The following PRDM2 variants were observed in gnomAD, a reference collection of about 807,000 sequenced individuals.
PRDM2 encodes the protein PR/SET domain 2, also known as PR domain zinc finger protein 2.
Under a neutral mutation model 130.0 loss-of-function variants are expected in PRDM2, and 30 were observed. That is an observed-to-expected ratio of 0.23 (90% CI 0.17 to 0.31). PRDM2 has a LOEUF of 0.31. PRDM2 is among the 10% of genes least tolerant of loss of function. The pLI is 1.00. For missense variants in PRDM2, 2,011 were observed against 2,108.4 expected (o/e 0.95, Z 0.90); for synonymous variants, 871 against 782.4 (o/e 1.11, Z -1.89).
intron 1 of PRDM2, among the ~76,000 whole-genome samples, chr1:13,712,891 A>T (rs1338339072): frequency 6.6e-6 from 1 of 152,206 alleles, no homozygotes; most frequent in Non-Finnish European, 1.5e-5. Context: ...TAGACTGGGC[A>T]TCAGCCTCCG....
In PRDM2 at chr1:13,773,143, A is replaced by G. The variant is rs1644394821; in HGVS notation, c.577A>G (p.Ser193Gly). The change falls in exon 7 of 10, where the codon AGT becomes GGT. Residue 193 changes from serine (S) to glycine (G), a missense_variant. Ser to Gly is a moderately conservative substitution (Grantham distance 56). Coordinates refer to ENST00000311066, the MANE Select transcript of PRDM2 (RefSeq NM_001393986.1). ...NKIQDIQLKTSEPDFTSANMR... is the reference protein window; with the variant it reads ...NKIQDIQLKTGEPDFTSANMR... ...AATCCAAGACATACAACTGAAGACA[A>G]GTGAGCCAGATTTCACCTCTGCAAA... The G allele has an allele frequency of 4.4e-6, 7 of 1,578,344 alleles. No individual in the cohort carries two copies. The highest frequency in any genetic ancestry group is 3.4e-4 in the Middle Eastern group (2 of 5,954).
At chr1:13,756,854 CT>C (rs1643967828) in intron 6 of PRDM2, among the ~76,000 whole-genome samples, 1 of 152,164 alleles carries the variant, frequency 6.6e-6, no homozygotes, top group Admixed American at 6.5e-5. Context: ...CCCAATAATC[CT>C]GCGAAGTTGA....
chr1:13,816,887 C>T lies in PRDM2; in HGVS notation c.*23+317C>T, dbSNP rs371582032. On this transcript the variant is annotated intron_variant, in intron 9 of 9. Coordinates refer to ENST00000311066, the MANE Select transcript of PRDM2 (RefSeq NM_001393986.1). ...CTTTATAGGGTGATTGTGACAATTACGAGTGTCAAATGTGCGAAGCACCTA... is the reference window on the plus strand; with the variant it reads ...CTTTATAGGGTGATTGTGACAATTATGAGTGTCAAATGTGCGAAGCACCTA... 4.6e-5 allele frequency among the ~76,000 whole-genome samples: 7 copies of T among 152,210 alleles called. 1 individual carries two copies. The highest frequency in any genetic ancestry group is 2.1e-4 in the South Asian group (1 of 4,832).
chr1:13,717,562 G>A (rs2100422641), intron 2 of PRDM2: 1 of 463,034 alleles, frequency 2.2e-6, no homozygotes, highest in East Asian at 1.5e-4. Flanking sequence ...TATTAGACTT[G>A]TAATATTTCT....
At chr1:13,743,378 T>A (rs1199232167) in intron 5 of PRDM2, among the ~76,000 whole-genome samples, 1 of 110,420 alleles carries the variant, frequency 9.1e-6, no homozygotes, top group Non-Finnish European at 1.7e-5. Flanking sequence ...CCAGCCTGGG[T>A]AACAGAGCAA....
At position 13,742,223 on chromosome 1, in the gene PRDM2, G is replaced by C. The variant is rs1643466929; in HGVS notation, c.384+66G>C. The C allele has an allele frequency of 2.0e-6, 3 of 1,527,004 alleles. No individual in the cohort carries two copies. The Admixed American group carries it at 5.2e-5, about 26-fold the overall frequency. The allele number at this position is 1,527,004 out of a possible 1,614,324, so 94.6% of individuals were successfully genotyped here. On this transcript the variant is annotated intron_variant, in intron 5 of 9. Coordinates refer to ENST00000311066, the MANE Select transcript of PRDM2 (RefSeq NM_001393986.1). ...TGTGTTTTCCTTTTTCTTTTTTTGA[G>C]ACGGTCTCATTCTGTCTCTCAGGCT...
intron 8 of PRDM2, among the ~76,000 whole-genome samples, chr1:13,804,182 T>A (rs1203672): frequency 6.6e-6 from 1 of 152,020 alleles, no homozygotes; most frequent in Non-Finnish European, 1.5e-5. Context: ...CATGGGCCAG[T>A]GTGTACTAAT....
At chr1:13,772,013 C>G (rs994710515) in intron 6 of PRDM2, 1 of 152,112 alleles carries the variant, frequency 6.6e-6, no homozygotes, top group African/African-American at 2.4e-5. Context: ...TGTAACTTTA[C>G]GTGTATATAG....
At chr1:13,789,525 A>G (rs1277965951) in intron 8 of PRDM2, among the ~76,000 whole-genome samples, 3 of 152,198 alleles carry the variant, frequency 2.0e-5, no homozygotes, top group African/African-American at 4.8e-5. Flanking sequence ...ACAGTTCCCC[A>G]GAGGCTAGGT....
chr1:13,809,372 G>T (rs1645135916), intron 8 of PRDM2, among the ~76,000 whole-genome samples: 1 of 152,208 alleles, frequency 6.6e-6, no homozygotes, highest in African/African-American at 2.4e-5. Context: ...AGTGGTAGAA[G>T]AGGAAGGAAG....
chr1:13,734,788 A>T (rs536267131), intron 4 of PRDM2, among the ~76,000 whole-genome samples: 1 of 152,232 alleles, frequency 6.6e-6, no homozygotes, highest in Non-Finnish European at 1.5e-5. Context: ...CTGACTACAA[A>T]ATATACATCT....
intron 8 of PRDM2, among the ~76,000 whole-genome samples, chr1:13,811,269 A>G (rs1645168329): frequency 1.3e-5 from 2 of 152,076 alleles, no homozygotes; most frequent in South Asian, 4.1e-4. Context: ...TGTTCTCTGG[A>G]TTGTGAAGGT....
At chr1:13,758,288 A>G (rs1644009303) in intron 6 of PRDM2, among the ~76,000 whole-genome samples, 1 of 151,986 alleles carries the variant, frequency 6.6e-6, no homozygotes, top group Non-Finnish European at 1.5e-5. Flanking sequence ...TACTAAAAAT[A>G]CAAAAATTAG....
At position 13,794,341 on chromosome 1, in the gene PRDM2, T is replaced by C. The variant is rs894085838; in HGVS notation, c.5036+11510T>C. On this transcript the variant is annotated intron_variant, in intron 8 of 9. Transcript: ENST00000311066. ...CTTAAGCCTTCTGTACATTCTGTTATGGACTCATTATGTTTGTTTACTCTA... is the reference window on the plus strand; with the variant it reads ...CTTAAGCCTTCTGTACATTCTGTTACGGACTCATTATGTTTGTTTACTCTA... Among the ~76,000 whole-genome samples the C allele has an allele frequency of 2.6e-4, 40 of 152,204 alleles. 1 individual carries two copies. Among genetic ancestry groups the C allele is most frequent in the Non-Finnish European group, 1.3e-4 (9 of 68,034 alleles).
chr1:13,790,779 C>G (rs1254480984), intron 8 of PRDM2, among the ~76,000 whole-genome samples: 1 of 152,136 alleles, frequency 6.6e-6, no homozygotes, highest in African/African-American at 2.4e-5. Context: ...AGTCCCAGGC[C>G]CCTAGGCCCG....
chr1:13,792,799 G>A (rs995044991), intron 8 of PRDM2, among the ~76,000 whole-genome samples: 1 of 152,208 alleles, frequency 6.6e-6, no homozygotes, highest in Non-Finnish European at 1.5e-5. Flanking sequence ...AGCGCGTGGG[G>A]CACCTTTCTG....
At position 13,782,263 on chromosome 1, in the gene PRDM2, G is replaced by A. The variant is rs140125865; in HGVS notation, c.4468G>A (p.Val1490Ile). ...ACCCCTTTCTCCTCCCAAAAAAAAAGTTTCTCATTCATCTAAGAAAGGTGG... is the reference window on the plus strand; with the variant it reads ...ACCCCTTTCTCCTCCCAAAAAAAAAATTTCTCATTCATCTAAGAAAGGTGG... ...KKPLSPPKKK[V>I]SHSSKKGGHS... The change falls in exon 8 of 10, where the codon GTT (valine) becomes ATT (isoleucine). Residue 1490 changes from valine to isoleucine, a missense_variant. By Grantham distance (29) the Val-to-Ile change is conservative (BLOSUM62 3). This residue lies in a region of PRDM2 where 410 missense variants were observed against 395.9 expected (regional missense o/e 1.04). Transcript: ENST00000311066. The A allele has an allele frequency of 6.2e-7, 1 of 1,613,490 alleles. No homozygotes were observed. Among genetic ancestry groups the A allele is most frequent in the Admixed American group, 1.7e-5 (1 of 59,900 alleles).
At chr1:13,820,228 A>G (rs1449553595) in intron 9 of PRDM2, among the ~76,000 whole-genome samples, 1 of 152,218 alleles carries the variant, frequency 6.6e-6, no homozygotes, top group African/African-American at 2.4e-5. Context: ...CGAAGGACCC[A>G]TGGCTTTGGC....
At chr1:13,772,666 C>T (rs796592432) in intron 6 of PRDM2, among the ~76,000 whole-genome samples, 32 of 152,312 alleles carry the variant, frequency 2.1e-4, no homozygotes, top group African/African-American at 7.7e-4. Context: ...CAAGTTATAA[C>T]ATACTGTTTT....
Sources: gnomAD v4.1 joint callset for allele counts (sites outside exome capture counted in the v4.1 genomes callset) on GRCh38, gnomAD v4.1.1 for gene constraint, gnomAD v4.1.1 regional missense constraint, MANE v1.5 for transcripts, NCBI Gene and HGNC (gene_info 2026-07-23, HGNC 2026-07-21) for gene names.